The following ATG10 variants were observed in gnomAD, a reference collection of about 807,000 sequenced individuals.
ATG10 encodes the protein ubiquitin-like-conjugating enzyme ATG10.
Under a neutral mutation model 32.1 loss-of-function variants are expected in ATG10, and 30 were observed. That is an observed-to-expected ratio of 0.94 (90% CI 0.70 to 1.27). The LOEUF is 1.27. Among genes scored for constraint, ATG10 ranks in the 50% most tolerant of loss-of-function variants. The probability of loss-of-function intolerance (pLI) is 0.00; values close to 1 mark genes in which losing one functional copy is unlikely to be tolerated. For synonymous variants in ATG10, 87 were observed against 91.5 expected (o/e 0.95, Z 0.28); for missense variants, 233 against 262.3 (o/e 0.89, Z 0.77).
chr5:82,115,937 A>G (rs1765794773), intron 3 of ATG10, among the ~76,000 whole-genome samples: 1 of 152,140 alleles, frequency 6.6e-6, no homozygotes, highest in Non-Finnish European at 1.5e-5. Context: ...GAGAAGTGGA[A>G]TTGATACAAG....
At chr5:82,099,860 C>CA (rs1765198810) in intron 3 of ATG10, among the ~76,000 whole-genome samples, 1 of 151,948 alleles carries the variant, frequency 6.6e-6, no homozygotes, top group Non-Finnish European at 1.5e-5. Flanking sequence ...AATATCTATG[C>CA]AAATGGGGTG....
intron 5 of ATG10, among the ~76,000 whole-genome samples, chr5:82,247,252 T>G (rs937576766): frequency 4.6e-5 from 7 of 152,234 alleles, no homozygotes; most frequent in African/African-American, 1.7e-4. Context: ...TCCTTCTCTT[T>G]TTCAGATTGC....
chr5:82,048,849 T>C (rs1049491120), intron 2 of ATG10, among the ~76,000 whole-genome samples: 18 of 152,184 alleles, frequency 1.2e-4, no homozygotes, highest in African/African-American at 4.1e-4. Context: ...CACAGTGAGA[T>C]ACCATCTCAC....
intron 3 of ATG10, among the ~76,000 whole-genome samples, chr5:82,137,885 C>T (rs1381471427): frequency 6.6e-6 from 1 of 152,202 alleles, no homozygotes; most frequent in Non-Finnish European, 1.5e-5. Context: ...CCTCACTGGG[C>T]TTATAGTTAA....
intron 5 of ATG10, chr5:82,242,983 G>A (rs1283075366): frequency 3.1e-5 from 10 of 326,806 alleles, no homozygotes; most frequent in South Asian, 5.2e-5. Context: ...TAGATACAGC[G>A]GAAATACTAG....
intron 3 of ATG10, among the ~76,000 whole-genome samples, chr5:82,140,033 T>A (rs1315434742): frequency 5.5e-4 from 55 of 100,128 alleles, no homozygotes; most frequent in East Asian, 1.4e-3. Context: ...GGAGCCCCTC[T>A]GCCCGGCCAG....
intron 5 of ATG10, among the ~76,000 whole-genome samples, chr5:82,211,588 A>C (rs1745493000): frequency 6.6e-6 from 1 of 152,154 alleles, no homozygotes; most frequent in Non-Finnish European, 1.5e-5. Flanking sequence ...TGGCTCTCTC[A>C]AGAGGATTCT....
At chr5:82,177,655 C>T (rs1454251386) in intron 4 of ATG10, among the ~76,000 whole-genome samples, 1 of 152,006 alleles carries the variant, frequency 6.6e-6, no homozygotes, top group African/African-American at 2.4e-5. Flanking sequence ...ACTTAGATAC[C>T]TATTTTTCCA....
At chr5:82,208,175 T>G (rs1463756086) in intron 5 of ATG10, among the ~76,000 whole-genome samples, 2 of 152,184 alleles carry the variant, frequency 1.3e-5, no homozygotes, top group African/African-American at 4.8e-5. Flanking sequence ...TTCAGTTGTT[T>G]CCTTGTGTCA....
At chr5:82,060,021 C>T (rs1242714490) in intron 3 of ATG10, among the ~76,000 whole-genome samples, 2 of 151,968 alleles carry the variant, frequency 1.3e-5, no homozygotes, top group African/African-American at 4.8e-5. Context: ...AACAAGTTGG[C>T]AGAGATTTGA....
At chr5:82,019,472 T>A (rs1762379156) in intron 2 of ATG10, among the ~76,000 whole-genome samples, 1 of 152,124 alleles carries the variant, frequency 6.6e-6, no homozygotes, top group South Asian at 2.1e-4. Context: ...GTAACTAATT[T>A]TCTATATTTG....
At chr5:82,181,090 C>T (rs770961085) in intron 5 of ATG10, among the ~76,000 whole-genome samples, 5 of 152,080 alleles carry the variant, frequency 3.3e-5, no homozygotes, top group Non-Finnish European at 7.4e-5. Context: ...TCCTCCCTAT[C>T]GTAGTACGGT....
In ATG10 at chr5:82,178,550, G is replaced by T. The variant is rs139687676; in HGVS notation, c.416G>T (p.Arg139Leu). The T allele has an allele frequency of 1.2e-6, 2 of 1,612,154 alleles. No individual in the cohort carries two copies. The highest frequency in any genetic ancestry group is 8.5e-7 in the Non-Finnish European group (1 of 1,178,532). Reference protein sequence around the residue: ...WEGVHECYKMRLLQGPWDTIT... With the variant: ...WEGVHECYKMLLLQGPWDTIT... ...GGAGTTCATGAGTGCTATAAGATGC[G>T]ACTGCTACAGGGACCATGGGACACT... The change falls in exon 5 of 8, where the codon CGA becomes CTA. Residue 139 changes from arginine (R) to leucine (L), a missense_variant. Transcript: ENST00000282185.
intron 5 of ATG10, among the ~76,000 whole-genome samples, chr5:82,214,560 C>T (rs1018838063): frequency 6.6e-6 from 1 of 152,124 alleles, no homozygotes; most frequent in Non-Finnish European, 1.5e-5. Context: ...TTATTCAAAT[C>T]TCATTCTTAC....
intron 4 of ATG10, among the ~76,000 whole-genome samples, chr5:82,168,805 TA>T (rs2149907065): frequency 6.6e-6 from 1 of 152,264 alleles, no homozygotes; most frequent in Admixed American, 6.5e-5. Context: ...TAAAGCAGCA[TA>T]TAAATCATCA....
chr5:82,118,868 A>G (rs529991415), intron 3 of ATG10, among the ~76,000 whole-genome samples: 1 of 152,294 alleles, frequency 6.6e-6, no homozygotes, highest in African/African-American at 2.4e-5. Context: ...AAGGATGCCC[A>G]GGGTTTTAGG....
At chr5:82,010,954 CTT>C (rs1018188259) in intron 2 of ATG10, among the ~76,000 whole-genome samples, 16 of 152,174 alleles carry the variant, frequency 1.1e-4, no homozygotes, top group Non-Finnish European at 1.6e-4. Context: ...AATAAATAAA[CTT>C]AGCACCAAGG....
chr5:82,163,156 A>G (rs1017178042), intron 3 of ATG10, among the ~76,000 whole-genome samples: 6 of 152,222 alleles, frequency 3.9e-5, no homozygotes, highest in African/African-American at 9.6e-5. Context: ...ACCTATGCCT[A>G]GTGAAAATTT....
At chr5:82,151,930 G>T (rs1410462257) in intron 3 of ATG10, among the ~76,000 whole-genome samples, 1 of 152,138 alleles carries the variant, frequency 6.6e-6, no homozygotes, top group African/African-American at 2.4e-5. Context: ...TTATGGATCT[G>T]TAGATCTTTC....
Sources: allele counts gnomAD v4.1 joint callset (sites outside exome capture counted in the v4.1 genomes callset), GRCh38; gene constraint gnomAD v4.1.1; transcripts MANE v1.5; gene names NCBI Gene and HGNC (gene_info 2026-07-23, HGNC 2026-07-21).